Variants in NLRP1 observed in about 807,000 individuals in gnomAD.
NLRP1 encodes the protein NLR family pyrin domain containing 1, also known as NACHT, LRR and PYD domains-containing protein 1.
NLRP1 carries 94 observed loss-of-function variants against 136.7 expected under a neutral mutation model. The ratio of observed to expected loss-of-function variants is 0.69; its 90% confidence interval spans 0.58 to 0.82. The LOEUF is 0.82. Among genes scored for constraint, NLRP1 ranks in the 40% least tolerant of loss-of-function variants. The pLI is 0.00. For missense variants in NLRP1, 1,575 were observed against 1,802.7 expected (o/e 0.87, Z 2.29); for synonymous variants, 690 against 725.1 (o/e 0.95, Z 0.78).
intron 16 of NLRP1, among the ~76,000 whole-genome samples, 192 bp from the exon 17 acceptor site, chr17:5,515,265 C>T (rs967225808): frequency 6.6e-5 from 10 of 152,318 alleles, no homozygotes; most frequent in Admixed American, 3.9e-4. Context: ...CTGCTGGGCA[C>T]ATTGGAGGCT....
chr17:5,530,927 A>G (rs573290147), intron 11 of NLRP1, among the ~76,000 whole-genome samples: 85 of 152,308 alleles, frequency 5.6e-4, no homozygotes, highest in African/African-American at 2.0e-3. Flanking sequence ...ATCTGTAAGT[A>G]GGAGTAATTA....
chr17:5,541,901 A>AAGGT lies in NLRP1; in HGVS notation c.2651_2654dup (p.Cys886ProfsTer25). 6.2e-7 allele frequency: 1 copy of AAGGT among 1,613,924 alleles called. No individual in the cohort carries two copies. The highest frequency in any genetic ancestry group is 8.5e-7 in the Non-Finnish European group (1 of 1,180,002). ...AGCTCGGCTGTCTCAGTCTCTGGCA[A>AAGGT]AGGTGTTTGGCTCCAGCATCCGTGA... is the stretch of plus-strand genomic sequence containing the variant. On this transcript the variant is annotated frameshift_variant, in exon 6 of 17. Coordinates refer to ENST00000572272, the MANE Select transcript of NLRP1 (RefSeq NM_033004.4). LOFTEE classifies it high-confidence loss of function. This position sits in a 1 kb window ranked among gnomAD's most constrained non-coding sequence, Gnocchi z 4.2.
intron 13 of NLRP1, 31 bp from the exon 14 acceptor site, chr17:5,521,043 A>C (rs760300880): frequency 1.3e-6 from 2 of 1,573,348 alleles, no homozygotes; most frequent in Non-Finnish European, 1.7e-6. Context: ...TGATTAAGGG[A>C]GGCTTCTGCC....
At chr17:5,509,883 A>G (rs1271234056), downstream of NLRP1, among the ~76,000 whole-genome samples, 1 of 152,082 alleles carries the variant, frequency 6.6e-6, no homozygotes, top group Non-Finnish European at 1.5e-5. Context: ...AGAAAACTTC[A>G]TGTAGGGTGG....
chr17:5,544,751 T>C (rs761516417), intron 5 of NLRP1, among the ~76,000 whole-genome samples: 29 of 152,222 alleles, frequency 1.9e-4, no homozygotes, highest in Non-Finnish European at 3.1e-4. Flanking sequence ...TTTCATTTTG[T>C]ATTGGGTCCT....
At position 5,583,841 on chromosome 17, in the gene NLRP1, A is replaced by T; in HGVS notation, c.117T>A (p.Gly39=). ...ANKAHSRSSS[G]ETPAQPEKTS... ...TCTTCTCTGGCTGAGCGGGTGTCTC[A>T]CCCGAAGAGCTCCTGGAGTGCGCTT... The change falls in exon 1 of 17, where the codon GGT becomes GGA. Residue 39 remains glycine (G), a synonymous_variant. Transcript: ENST00000572272. The surrounding 1 kb of genome is among the most constrained non-coding windows in gnomAD (Gnocchi z 4.5). 3 of 1,569,080 alleles carry T rather than the reference A, an allele frequency of 1.9e-6. No individual in the cohort carries two copies. The highest frequency in any genetic ancestry group is 2.6e-6 in the Non-Finnish European group (3 of 1,155,336).
downstream of NLRP1, among the ~76,000 whole-genome samples, chr17:5,510,433 C>T (rs1434575087): frequency 6.6e-6 from 1 of 152,008 alleles, no homozygotes; most frequent in Non-Finnish European, 1.5e-5. Context: ...GATCTCGGCT[C>T]ACTGCAACCT....
At chr17:5,519,648 A>G (rs1908644556) in intron 14 of NLRP1, among the ~76,000 whole-genome samples, 1 of 150,230 alleles carries the variant, frequency 6.7e-6, no homozygotes, top group African/African-American at 2.5e-5. Context: ...GGTTTTCACT[A>G]TGTTGGTCAG....
At chr17:5,551,201 C>A (rs1364655837) in intron 5 of NLRP1, among the ~76,000 whole-genome samples, 1 of 152,172 alleles carries the variant, frequency 6.6e-6, no homozygotes, top group Non-Finnish European at 1.5e-5. Context: ...CCTCCCTTCC[C>A]CCAAGCCCTG....
rs1295292434 is a variant in NLRP1 at position 5,559,604 on chromosome 17, G to C, written c.1092C>G (p.Val364=). The C allele has an allele frequency of 3.1e-6, 5 of 1,614,104 alleles. No individual in the cohort carries two copies. Among genetic ancestry groups the C allele is most frequent in the African/African-American group, 1.3e-5 (1 of 74,950 alleles). Residue 364 remains valine, a synonymous_variant, in exon 4 of 17, where the codon GTC becomes GTG. Coordinates refer to ENST00000572272, the MANE Select transcript of NLRP1 (RefSeq NM_033004.4). The part of the protein sequence containing the change: ...GQLYGDRFQH[V]FYFSCRELAQ... ...CCAGCTCTCTGCAGCTGAAGTAGAA[G>C]ACATGCTGGAAGCGGTCCCCATACA... is the stretch of plus-strand genomic sequence containing the variant.
intron 3 of NLRP1, among the ~76,000 whole-genome samples, chr17:5,571,817 C>A (rs1368614781): frequency 6.6e-6 from 1 of 152,118 alleles, no homozygotes; most frequent in African/African-American, 2.4e-5. Flanking sequence ...AATAACAAAT[C>A]TGGAGGCATC....
In NLRP1 at chr17:5,541,638, CG is replaced by C. The variant is rs1911878045; in HGVS notation, c.2699+218del. 6.6e-6 allele frequency among the ~76,000 whole-genome samples: 1 copy of C among 152,178 alleles called. No homozygotes were observed. Among genetic ancestry groups the C allele is most frequent in the Non-Finnish European group, 1.5e-5 (1 of 68,036 alleles). On this transcript the variant is annotated intron_variant, in intron 6 of 16. Coordinates refer to ENST00000572272, the MANE Select transcript of NLRP1 (RefSeq NM_033004.4). This position sits in a 1 kb window ranked among gnomAD's most constrained non-coding sequence, Gnocchi z 4.2. ...CACCTTGCATTCACGTCCCTTGACT[CG>C]ACTTGGCTTCTCTTGCTGTATTTGG... is the stretch of plus-strand genomic sequence containing the variant.
intron 3 of NLRP1, 21 bp downstream of exon 3, chr17:5,581,838 A>C: frequency 3.8e-6 from 6 of 1,599,404 alleles, no homozygotes; most frequent in South Asian, 1.1e-5. Flanking sequence ...CCACCCCGCC[A>C]GGAGCTCAGT....
chr17:5,558,464 A>C lies in NLRP1; in HGVS notation c.2232T>G (p.Cys744Trp). ...CTAAGAGCTCCATGTCTGTTTCTAC[A>C]CACATGCCCATTTCTTCGAAATGGG... is the stretch of plus-strand genomic sequence containing the variant. The part of the protein sequence containing the change: ...VMAHFEEMGM[C>W]VETDMELLVC... Residue 744 changes from cysteine (C) to tryptophan (W), a missense_variant, in exon 4 of 17, where the codon TGT (cysteine) becomes TGG (tryptophan). Coordinates refer to ENST00000572272, the MANE Select transcript of NLRP1 (RefSeq NM_033004.4). The C allele has an allele frequency of 4.3e-6, 7 of 1,614,112 alleles. No individual in the cohort carries two copies. The highest frequency in any genetic ancestry group is 5.9e-6 in the Non-Finnish European group (7 of 1,180,026).
intron 12 of NLRP1, among the ~76,000 whole-genome samples, chr17:5,525,804 G>A (rs1273343635): frequency 2.6e-5 from 4 of 152,156 alleles, no homozygotes; most frequent in Non-Finnish European, 5.9e-5. Context: ...CAGATTGACT[G>A]GGTTTGTGTC....
At chr17:5,578,397 C>T (rs1262178091) in intron 3 of NLRP1, among the ~76,000 whole-genome samples, 1 of 152,016 alleles carries the variant, frequency 6.6e-6, no homozygotes, top group Non-Finnish European at 1.5e-5. Flanking sequence ...CTACAAAGAA[C>T]TCAAACAAAT....
At chr17:5,509,279 A>G (rs137897052), downstream of NLRP1, among the ~76,000 whole-genome samples, 1 of 152,284 alleles carries the variant, frequency 6.6e-6, no homozygotes, top group East Asian at 1.9e-4. Flanking sequence ...TGGGGTCCCC[A>G]CAATCATACA....
chr17:5,548,597 T>C (rs995924215), intron 5 of NLRP1, among the ~76,000 whole-genome samples: 1 of 152,174 alleles, frequency 6.6e-6, no homozygotes, highest in Non-Finnish European at 1.5e-5. Context: ...TTGAAGAAAG[T>C]ATATTTGTGG....
rs761926863 is a variant in NLRP1 at position 5,583,417 on chromosome 17, C to T, written c.271+270G>A. Among the ~76,000 whole-genome samples, 2 of 152,168 alleles carry T rather than the reference C, an allele frequency of 1.3e-5. No homozygotes were observed. The highest frequency in any genetic ancestry group is 2.9e-5 in the Non-Finnish European group (2 of 68,022). ...GGTGATAGTGCCTGACTCCCAAGTC[C>T]GTGCTCATAACTACAATGCCAGGCG... On this transcript the variant is annotated intron_variant, in intron 1 of 16. Coordinates refer to ENST00000572272, the MANE Select transcript of NLRP1 (RefSeq NM_033004.4). This position sits in a 1 kb window ranked among gnomAD's most constrained non-coding sequence, Gnocchi z 4.5.
Sources: gnomAD v4.1 joint callset for allele counts (sites outside exome capture counted in the v4.1 genomes callset) on GRCh38, gnomAD v4.1.1 for gene constraint, Gnocchi (gnomAD v3.1) non-coding constraint, MANE v1.5 for transcripts, NCBI Gene and HGNC (gene_info 2026-07-23, HGNC 2026-07-21) for gene names.